Variants in CSTPP1 observed in about 807,000 individuals in gnomAD.
CSTPP1 encodes the protein UPF0705 protein C11orf49.
the CSTPP1 span, among the ~76,000 whole-genome samples, chr11:47,005,923 T>G: frequency 1.3e-5 from 2 of 152,322 alleles, no homozygotes; most frequent in East Asian, 3.9e-4. Context: ...ATATATTTAT[T>G]GAGTGCCTAC....
chr11:47,132,165 T>A, the CSTPP1 span, among the ~76,000 whole-genome samples: 1 of 152,214 alleles, frequency 6.6e-6, no homozygotes, highest in Admixed American at 6.5e-5. Flanking sequence ...TTACAACTCC[T>A]GGTTTCTCCT....
At chr11:46,941,461 T>C in the CSTPP1 span, among the ~76,000 whole-genome samples, 2 of 152,212 alleles carry the variant, frequency 1.3e-5, no homozygotes, top group Non-Finnish European at 2.9e-5. Context: ...TGTCTCAGCC[T>C]CCCAAGTAGC....
the CSTPP1 span, chr11:46,987,188 C>T: frequency 1.2e-6 from 2 of 1,608,810 alleles, no homozygotes; most frequent in Non-Finnish European, 1.7e-6. Context: ...TTCTCTTTCT[C>T]TCTTGCTATT....
chr11:46,989,382 G>A, the CSTPP1 span, among the ~76,000 whole-genome samples: 238 of 151,872 alleles, frequency 1.6e-3, no homozygotes, highest in African/African-American at 5.4e-3. Context: ...TTGTAGCCTT[G>A]AACTCCTGGG....
the CSTPP1 span, among the ~76,000 whole-genome samples, chr11:46,956,905 T>C: frequency 6.6e-6 from 1 of 151,480 alleles, no homozygotes; most frequent in Admixed American, 6.6e-5. Context: ...TATGCACGTA[T>C]ACATAGTATA....
chr11:47,104,138 T>C, the CSTPP1 span, among the ~76,000 whole-genome samples: 1 of 152,212 alleles, frequency 6.6e-6, no homozygotes, highest in Non-Finnish European at 1.5e-5. Context: ...AAGCCAAGCA[T>C]TTGATAAGCA....
At chr11:47,016,968 G>A in the CSTPP1 span, among the ~76,000 whole-genome samples, 3 of 143,432 alleles carry the variant, frequency 2.1e-5, no homozygotes, top group Admixed American at 7.3e-5. Flanking sequence ...TCAGCCTCCC[G>A]AGTAGCTGGA....
At chr11:47,081,178 A>G in the CSTPP1 span, among the ~76,000 whole-genome samples, 1 of 152,160 alleles carries the variant, frequency 6.6e-6, no homozygotes, top group Non-Finnish European at 1.5e-5. Flanking sequence ...AATTTAATCT[A>G]TAAGTTAACA....
At chr11:46,985,743 C>T in the CSTPP1 span, among the ~76,000 whole-genome samples, 6 of 152,318 alleles carry the variant, frequency 3.9e-5, no homozygotes, top group East Asian at 1.2e-3. Context: ...ATGTACCAAA[C>T]ACATAGTGGT....
At chr11:46,987,721 G>T in the CSTPP1 span, 2 of 167,824 alleles carry the variant, frequency 1.2e-5, no homozygotes, top group Admixed American at 5.7e-5. Flanking sequence ...ACAGGATGCT[G>T]TGCCAATCAC....
the CSTPP1 span, among the ~76,000 whole-genome samples, chr11:46,975,206 G>T: frequency 1.3e-5 from 2 of 151,984 alleles, no homozygotes; most frequent in South Asian, 4.2e-4. Context: ...GAACCTGGGA[G>T]GTCAAGGCTG....
chr11:47,129,317 T>A, the CSTPP1 span, among the ~76,000 whole-genome samples: 1 of 152,086 alleles, frequency 6.6e-6, no homozygotes, highest in Admixed American at 6.6e-5. Context: ...TTTGAGAGCT[T>A]ATGGTGCCAA....
chr11:46,983,320 T>A, the CSTPP1 span, among the ~76,000 whole-genome samples: 1 of 152,200 alleles, frequency 6.6e-6, no homozygotes, highest in Non-Finnish European at 1.5e-5. Flanking sequence ...CATATAGTGT[T>A]TACTTACATT....
the CSTPP1 span, among the ~76,000 whole-genome samples, chr11:47,121,854 A>G: frequency 2.0e-5 from 3 of 151,718 alleles, no homozygotes; most frequent in Non-Finnish European, 2.9e-5. Context: ...GGAGGATTGC[A>G]TGAGCCCAGG....
At chr11:46,973,400 G>A in the CSTPP1 span, among the ~76,000 whole-genome samples, 14 of 152,246 alleles carry the variant, frequency 9.2e-5, no homozygotes, top group Admixed American at 2.0e-4. Flanking sequence ...CTAAAATACC[G>A]TGGTTTAAAC....
the CSTPP1 span, among the ~76,000 whole-genome samples, chr11:47,081,468 A>T: frequency 6.6e-6 from 1 of 152,218 alleles, no homozygotes. Flanking sequence ...TTTAATTCTC[A>T]TAAAAGCCCG....
At chr11:47,162,684 T>C in the CSTPP1 span, among the ~76,000 whole-genome samples, 1 of 151,950 alleles carries the variant, frequency 6.6e-6, no homozygotes, top group African/African-American at 2.4e-5. Context: ...CTTCTTTGGA[T>C]TGAGGGCTGA....
the CSTPP1 span, among the ~76,000 whole-genome samples, chr11:47,143,789 T>C: frequency 6.6e-6 from 1 of 152,230 alleles, no homozygotes; most frequent in South Asian, 2.1e-4. Context: ...TTCCACAATA[T>C]ACTAGCTGTG....
the CSTPP1 span, chr11:47,041,816 C>A: frequency 2.3e-6 from 1 of 444,384 alleles, no homozygotes; most frequent in South Asian, 2.0e-5. Flanking sequence ...CTTTCATGCC[C>A]TTTTGATAGC....
Sources: gnomAD v4.1 joint callset for allele counts (sites outside exome capture counted in the v4.1 genomes callset) on GRCh38, gnomAD v4.1.1 for gene constraint, MANE v1.5 for transcripts, NCBI Gene and HGNC (gene_info 2026-07-23, HGNC 2026-07-21) for gene names.